NELL1: variants seen among roughly 807,000 people sequenced by gnomAD.
The protein encoded by NELL1 is neural EGFL like 1, also known as protein kinase C-binding protein NELL1.
In NELL1, 76 loss-of-function variants were observed where a neutral mutation model predicts 107.4. The observed-to-expected ratio is 0.71, with a 90% CI of 0.59 to 0.86. The LOEUF (loss-of-function observed/expected upper bound fraction) is 0.86, where lower values mean the gene tolerates loss of function less well. Among genes scored for constraint, NELL1 ranks in the 40% least tolerant of loss-of-function variants. The pLI, the probability that NELL1 is intolerant of heterozygous loss-of-function variation, is 0.00. For missense variants in NELL1, 1,024 were observed against 1,005.5 expected (o/e 1.02, Z -0.25); for synonymous variants, 353 against 341.2 (o/e 1.03, Z -0.38).
At chr11:20,941,880 G>T (rs1236221111) in intron 10 of NELL1, among the ~76,000 whole-genome samples, 1 of 152,120 alleles carries the variant, frequency 6.6e-6, no homozygotes, top group East Asian at 1.9e-4. Context: ...GGAAGGAAAG[G>T]CAGGAGAGCA....
At chr11:20,702,968 C>A (rs1385679094) in intron 2 of NELL1, among the ~76,000 whole-genome samples, 1 of 152,128 alleles carries the variant, frequency 6.6e-6, no homozygotes, top group Non-Finnish European at 1.5e-5. Context: ...GTCTAAAATT[C>A]TCTTTTTTTG....
At chr11:20,985,585 G>A (rs1851836662) in intron 12 of NELL1, among the ~76,000 whole-genome samples, 1 of 152,142 alleles carries the variant, frequency 6.6e-6, no homozygotes, top group Non-Finnish European at 1.5e-5. Context: ...GGGACTGAGG[G>A]CATCTCTCAG....
chr11:21,493,912 G>C (rs992508722), intron 15 of NELL1, among the ~76,000 whole-genome samples: 12 of 152,014 alleles, frequency 7.9e-5, no homozygotes, highest in Middle Eastern at 3.4e-3. Context: ...ATATGCCGTG[G>C]TGTGGATCTA....
chr11:20,953,708 G>A (rs901360004), intron 11 of NELL1, among the ~76,000 whole-genome samples: 4 of 152,018 alleles, frequency 2.6e-5, no homozygotes, highest in African/African-American at 7.2e-5. Context: ...TACATATCAC[G>A]GGCCCATGCT....
At chr11:21,444,788 C>T (rs978279222) in intron 15 of NELL1, among the ~76,000 whole-genome samples, 5 of 152,108 alleles carry the variant, frequency 3.3e-5, no homozygotes, top group African/African-American at 1.2e-4. Context: ...TGATTATACT[C>T]ACCCTGTTGT....
At chr11:20,923,410 A>G (rs535816507) in intron 7 of NELL1, among the ~76,000 whole-genome samples, 1 of 152,220 alleles carries the variant, frequency 6.6e-6, no homozygotes, top group Non-Finnish European at 1.5e-5. Flanking sequence ...TTTTGGCAAA[A>G]CTATACTTTT....
chr11:20,941,454 C>A (rs78917937), intron 10 of NELL1, among the ~76,000 whole-genome samples: 37 of 152,142 alleles, frequency 2.4e-4, no homozygotes, highest in African/African-American at 7.2e-5. Flanking sequence ...GAGTTCCTTG[C>A]GTTCTTTTCC....
At chr11:21,187,968 T>C (rs1328191116) in intron 13 of NELL1, among the ~76,000 whole-genome samples, 3 of 151,880 alleles carry the variant, frequency 2.0e-5, no homozygotes, top group Admixed American at 6.6e-5. Context: ...GGCAGGTAAT[T>C]GATGATACCT....
chr11:20,709,866 A>T (rs933285391), intron 2 of NELL1, among the ~76,000 whole-genome samples: 6 of 152,106 alleles, frequency 3.9e-5, no homozygotes, highest in Non-Finnish European at 7.4e-5. Context: ...TTGTTGGTGT[A>T]TGTCAGTGCT....
chr11:21,031,334 G>T (rs936927750), intron 12 of NELL1, among the ~76,000 whole-genome samples: 1 of 152,112 alleles, frequency 6.6e-6, no homozygotes, highest in Non-Finnish European at 1.5e-5. Context: ...TTAATGTTCA[G>T]AATTCTTTTC....
At chr11:21,477,581 G>T (rs1037925850) in intron 15 of NELL1, among the ~76,000 whole-genome samples, 1 of 152,032 alleles carries the variant, frequency 6.6e-6, no homozygotes, top group Non-Finnish European at 1.5e-5. Context: ...TTCTCAGGAA[G>T]GATGGGTACA....
chr11:21,130,110 A>T (rs1204801155), intron 13 of NELL1, among the ~76,000 whole-genome samples: 3 of 151,938 alleles, frequency 2.0e-5, no homozygotes, highest in Non-Finnish European at 1.5e-5. Flanking sequence ...TTTTAATTTA[A>T]TTTTTTTTAA....
intron 13 of NELL1, among the ~76,000 whole-genome samples, chr11:21,195,649 A>G (rs540966339): frequency 6.6e-6 from 1 of 151,760 alleles, no homozygotes; most frequent in Admixed American, 6.6e-5. Flanking sequence ...TTATTTCAAT[A>G]TGTAGTCAGT....
At chr11:21,061,413 G>A (rs893554473) in intron 12 of NELL1, among the ~76,000 whole-genome samples, 1 of 152,104 alleles carries the variant, frequency 6.6e-6, no homozygotes, top group Non-Finnish European at 1.5e-5. Flanking sequence ...AACTTTGAAG[G>A]GTACACAGGA....
chr11:21,257,366 A>G (rs1858796217), intron 14 of NELL1, among the ~76,000 whole-genome samples: 1 of 152,020 alleles, frequency 6.6e-6, no homozygotes, highest in South Asian at 2.1e-4. Flanking sequence ...GGATTTTATG[A>G]TAATACTTTA....
At chr11:21,242,445 C>A (rs188197660) in intron 14 of NELL1, among the ~76,000 whole-genome samples, 20 of 152,160 alleles carry the variant, frequency 1.3e-4, no homozygotes, top group Admixed American at 9.2e-4. Context: ...CATGGCCACA[C>A]CGAACAATAA....
intron 14 of NELL1, among the ~76,000 whole-genome samples, chr11:21,232,150 A>AAAAAAAAT (rs1482019719): frequency 0.044 from 735 of 16,688 alleles, 19 homozygotes; most frequent in Non-Finnish European, 0.079. Flanking sequence ...AAAAAAATAA[A>AAAAAAAAT]AAAAAAAAAA....
intron 14 of NELL1, among the ~76,000 whole-genome samples, chr11:21,273,622 T>C (rs1387321052): frequency 6.6e-6 from 1 of 151,890 alleles, no homozygotes; most frequent in African/African-American, 2.4e-5. Context: ...AAAGTTGAAA[T>C]GAAGGAAAAA....
chr11:21,573,537 C>A, intron 19 of NELL1, 128 bp downstream of exon 19: 2 of 793,922 alleles, frequency 2.5e-6, no homozygotes, highest in Non-Finnish European at 4.2e-6. Flanking sequence ...CATACATTTA[C>A]TTCTCATAGG....
Sources: allele counts gnomAD v4.1 joint callset (sites outside exome capture counted in the v4.1 genomes callset), GRCh38; gene constraint gnomAD v4.1.1; transcripts MANE v1.5; gene names NCBI Gene and HGNC (gene_info 2026-07-23, HGNC 2026-07-21).